Variants in DMD observed in about 807,000 individuals in gnomAD.
DMD encodes the protein mutant dystrophin.
Under a neutral mutation model 330.1 loss-of-function variants are expected in DMD, and 63 were observed. The ratio of observed to expected loss-of-function variants is 0.19; its 90% CI spans 0.16 to 0.24. The LOEUF is 0.24. Ranked by LOEUF, DMD falls within the 10% of genes least tolerant of loss-of-function variation. The pLI, the probability that DMD is intolerant of heterozygous loss-of-function variation, is 1.00. For missense variants in DMD, 3,344 were observed against 2,684.1 expected, an observed-to-expected ratio of 1.25 and a Z score of -5.43; for synonymous variants, 1,223 against 959.8, an observed-to-expected ratio of 1.27 and a Z score of -5.07.
At chrX:32,682,610 C>T (rs1187757317) in intron 9 of DMD, among the ~76,000 whole-genome samples, 1 of 111,568 alleles carries the variant, frequency 9.0e-6, no homozygotes, top group Non-Finnish European at 1.9e-5. Flanking sequence ...TCAAAAAAAA[C>T]AAATTTTGAG....
At chrX:33,108,192 T>A (rs1367625799) in intron 1 of DMD, among the ~76,000 whole-genome samples, 1 of 110,956 alleles carries the variant, frequency 9.0e-6, no homozygotes, top group African/African-American at 3.3e-5. Flanking sequence ...TTTTTTCAGT[T>A]CTACTTTACA....
intron 2 of DMD, among the ~76,000 whole-genome samples, chrX:32,953,112 G>C (rs1468923382): frequency 9.8e-6 from 1 of 101,631 alleles, no homozygotes; most frequent in East Asian, 3.0e-4. Context: ...TCCAGCCTGG[G>C]TGACAGAGCA....
chrX:32,595,767 T>C lies in DMD; in HGVS notation c.1592A>G (p.Glu531Gly). 2 of 1,211,300 alleles carry C rather than the reference T, an allele frequency of 1.7e-6. No homozygotes were observed. Among genetic ancestry groups the C allele is most frequent in the Non-Finnish European group, 2.2e-6 (2 of 894,939 alleles). The change falls in exon 13 of 79, where the codon GAA becomes GGA. Residue 531 changes from glutamate (E) to glycine (G), a missense_variant. Transcript: ENST00000357033. ...SGDHATAALE[E>G]QLKVLGDRWA... ...GCAAAATAATCTGACCTTAAGTTGT[T>C]CTTCCAAAGCAGCAGTTGCGTGATC...
intron 33 of DMD, among the ~76,000 whole-genome samples, chrX:32,385,045 G>A (rs1454161824): frequency 9.0e-6 from 1 of 110,975 alleles, no homozygotes; most frequent in East Asian, 2.8e-4. Context: ...GGCAGATGTA[G>A]AAGAAAGAAT....
At chrX:32,227,264 C>CATATATATATAT (rs57305198) in intron 43 of DMD, among the ~76,000 whole-genome samples, 5 of 35,859 alleles carry the variant, frequency 1.4e-4, no homozygotes, top group Non-Finnish European at 2.7e-4. Flanking sequence ...TAAGTCTAAG[C>CATATATATATAT]ATATATATAT....
chrX:32,997,693 A>G (rs1163954033), intron 2 of DMD, among the ~76,000 whole-genome samples: 2 of 112,463 alleles, frequency 1.8e-5, no homozygotes, highest in Non-Finnish European at 3.8e-5. Context: ...GCCTGAAAAC[A>G]GTACATACAT....
chrX:31,992,570 G>A (rs868037092), intron 44 of DMD, among the ~76,000 whole-genome samples: 1 of 111,029 alleles, frequency 9.0e-6, no homozygotes, highest in Admixed American at 9.6e-5. Flanking sequence ...GCAAAAATAT[G>A]ATCACGTATG....
chrX:33,259,605 C>CA (rs1453370034), intron 1 of DMD, among the ~76,000 whole-genome samples: 1 of 70,315 alleles, frequency 1.4e-5, no homozygotes, highest in African/African-American at 5.1e-5. Context: ...TCGCCCCCCC[C>CA]CCCCAAAAAA....
At chrX:32,712,524 A>C in intron 7 of DMD, among the ~76,000 whole-genome samples, 1 of 111,792 alleles carries the variant, frequency 8.9e-6, no homozygotes, top group Non-Finnish European at 1.9e-5. Flanking sequence ...CACAGGGCCT[A>C]TTTACATGAA....
chrX:32,289,834 C>T (rs1300330234), intron 42 of DMD, among the ~76,000 whole-genome samples: 2 of 111,510 alleles, frequency 1.8e-5, no homozygotes, highest in Non-Finnish European at 3.8e-5. Flanking sequence ...ATGAATAATC[C>T]ACCCCTTGTT....
At chrX:31,373,618 T>C (rs1304732078) in intron 60 of DMD, among the ~76,000 whole-genome samples, 1 of 107,040 alleles carries the variant, frequency 9.3e-6, no homozygotes, top group Non-Finnish European at 1.9e-5. Context: ...GCTAGCCATA[T>C]GTAGAAAGCT....
chrX:33,196,449 C>CTTGTGT (rs1458241026), intron 1 of DMD, among the ~76,000 whole-genome samples: 7 of 110,891 alleles, frequency 6.3e-5, no homozygotes, highest in African/African-American at 2.0e-4. Context: ...AGAAACTCAA[C>CTTGTGT]GGGGGCAGCA....
chrX:31,714,580 T>C (rs866672561), intron 52 of DMD, among the ~76,000 whole-genome samples: 2 of 111,468 alleles, frequency 1.8e-5, no homozygotes, highest in Non-Finnish European at 3.8e-5. Context: ...TGTATACATA[T>C]GCCAAGTATT....
chrX:31,119,388 ATATAT>A lies in DMD; in HGVS notation c.*2526_*2530del, dbSNP rs1418953802. On this transcript the variant is annotated 3_prime_UTR_variant, in exon 79 of 79. Transcript: ENST00000357033. ...GTTACAGTGTTGGTGTTAAAACACA[ATATAT>A]TATGATACTCAAGTAAGAACTCAGT... 8.9e-6 allele frequency: 1 copy of A among 112,522 alleles called. No individual in the cohort carries two copies. Among genetic ancestry groups the A allele is most frequent in the Non-Finnish European group, 1.9e-5 (1 of 53,163 alleles). The allele number at this position is 112,522 out of a possible 1,213,427, so 9.3% of individuals were successfully genotyped here.
At chrX:31,132,404 C>A (rs762510692) in intron 77 of DMD, among the ~76,000 whole-genome samples, 1 of 111,606 alleles carries the variant, frequency 9.0e-6, no homozygotes, top group Admixed American at 9.5e-5. Flanking sequence ...AACTCAGGTA[C>A]AAAAAGGAGT....
At position 31,478,156 on chromosome X, in the gene DMD, C is replaced by G; in HGVS notation, c.8887G>C (p.Val2963Leu). Residue 2963 changes from valine to leucine, a missense_variant, in exon 59 of 79, where the codon GTG becomes CTG. Val to Leu is a conservative substitution (Grantham distance 32). Transcript: ENST00000357033. Reference sequence around the variant, plus strand: ...AGAGAGTCAATGAGGAGATCGCCCACGGGCTGCCAGGATCCCTTGATCACC... The same window carrying G: ...AGAGAGTCAATGAGGAGATCGCCCAGGGGCTGCCAGGATCCCTTGATCACC... ...AEVIKGSWQP[V>L]GDLLIDSLQD... 8.3e-7 allele frequency: 1 copy of G among 1,210,686 alleles called. No individual in the cohort carries two copies. The highest frequency in any genetic ancestry group is 1.1e-6 in the Non-Finnish European group (1 of 895,038).
Position 32,573,514 on chromosome X carries a change from G to T in DMD, c.1812+16C>A. ...CTGGGTTTTTATAAGACCATTGAAA[G>T]CTAGAAAGTACATACGGCCAGTTTT... On this transcript the variant is annotated intron_variant, in intron 15 of 78. Transcript: ENST00000357033. 2.6e-6 allele frequency: 3 copies of T among 1,175,018 alleles called. No individual in the cohort carries two copies. Among genetic ancestry groups the T allele is most frequent in the Non-Finnish European group, 3.5e-6 (3 of 862,515 alleles).
In DMD at chrX:31,973,924, A is replaced by G. The variant is rs188109057; in HGVS notation, c.6439-5410T>C. ...TCAACTTTTAACTAAGGACCTCCAGATCTTTTATTAGTAATTTGCAAGGAA... is the reference window on the plus strand; with the variant it reads ...TCAACTTTTAACTAAGGACCTCCAGGTCTTTTATTAGTAATTTGCAAGGAA... On this transcript the variant is annotated intron_variant, in intron 44 of 78. Coordinates refer to ENST00000357033, the MANE Select transcript of DMD (RefSeq NM_004006.3). 3.1e-3 allele frequency among the ~76,000 whole-genome samples: 342 copies of G among 111,693 alleles called. 3 individuals carry two copies. The highest frequency in any genetic ancestry group is 0.011 in the African/African-American group (335 of 30,819).
At chrX:32,036,173 T>C (rs2095944495) in intron 44 of DMD, among the ~76,000 whole-genome samples, 1 of 111,684 alleles carries the variant, frequency 9.0e-6, no homozygotes, top group South Asian at 3.7e-4. Flanking sequence ...AGGCAGAAAA[T>C]GAACACATTC....
Sources: gnomAD v4.1 joint callset for allele counts (sites outside exome capture counted in the v4.1 genomes callset) on GRCh38, gnomAD v4.1.1 for gene constraint, MANE v1.5 for transcripts, NCBI Gene and HGNC (gene_info 2026-07-23, HGNC 2026-07-21) for gene names.